The following AGBL1 variants were observed in gnomAD, a reference collection of about 807,000 sequenced individuals.
AGBL1 encodes cytosolic carboxypeptidase 4.
Under a neutral mutation model 118.9 loss-of-function variants are expected in AGBL1, and 130 were observed. That is an observed-to-expected ratio of 1.09 (90% CI 0.95 to 1.26). The LOEUF is 1.26. Among genes scored for constraint, AGBL1 ranks in the 50% most tolerant of loss-of-function variants. The pLI is 0.00. For missense variants in AGBL1, 1,584 were observed against 1,298.1 expected, an observed-to-expected ratio of 1.22 and a Z score of -3.38; for synonymous variants, 555 against 478.9, an observed-to-expected ratio of 1.16 and a Z score of -2.08.
At chr15:86,552,564 T>C (rs1328998231) in intron 20 of AGBL1, among the ~76,000 whole-genome samples, 1 of 152,196 alleles carries the variant, frequency 6.6e-6, no homozygotes, top group African/African-American at 2.4e-5. Context: ...TTTTAGCAAA[T>C]AATTATGTAG....
chr15:86,969,007 T>G (rs562859157), intron 23 of AGBL1, among the ~76,000 whole-genome samples: 1 of 152,060 alleles, frequency 6.6e-6, no homozygotes, highest in South Asian at 2.1e-4. Context: ...TAGGGTTAGA[T>G]TTCAACAAAT....
At chr15:86,199,064 G>A (rs1336523304) in intron 5 of AGBL1, among the ~76,000 whole-genome samples, 2 of 152,066 alleles carry the variant, frequency 1.3e-5, no homozygotes, top group East Asian at 1.9e-4. Flanking sequence ...ATATGTTTGT[G>A]TATGTATACA....
chr15:86,338,343 G>A (rs973546614), intron 17 of AGBL1, among the ~76,000 whole-genome samples: 3 of 152,166 alleles, frequency 2.0e-5, no homozygotes, highest in African/African-American at 7.2e-5. Context: ...AAGGTGGAGA[G>A]GCAGAGGTAA....
intron 22 of AGBL1, among the ~76,000 whole-genome samples, chr15:86,839,786 A>G (rs1293067460): frequency 2.0e-5 from 3 of 152,218 alleles, no homozygotes; most frequent in African/African-American, 4.8e-5. Context: ...AATTCCTTTC[A>G]GGGATCTAGG....
intron 22 of AGBL1, among the ~76,000 whole-genome samples, chr15:86,738,164 G>A (rs1475442449): frequency 2.6e-5 from 4 of 152,108 alleles, no homozygotes; most frequent in African/African-American, 9.7e-5. Flanking sequence ...TTATCAGTTT[G>A]ATAAAATTCA....
chr15:86,773,555 A>G (rs1398206053), intron 22 of AGBL1, among the ~76,000 whole-genome samples: 2 of 128,602 alleles, frequency 1.6e-5, no homozygotes, highest in Admixed American at 1.0e-4. Context: ...TACTGTGTCC[A>G]TGTGTTCTCA....
At chr15:86,841,820 C>T (rs2079250054) in intron 22 of AGBL1, among the ~76,000 whole-genome samples, 1 of 152,094 alleles carries the variant, frequency 6.6e-6, no homozygotes, top group African/African-American at 2.4e-5. Context: ...GCACTCCAGC[C>T]TGGGCAACAA....
At chr15:86,472,045 A>G (rs1286389317) in intron 18 of AGBL1, among the ~76,000 whole-genome samples, 3 of 152,210 alleles carry the variant, frequency 2.0e-5, no homozygotes, top group African/African-American at 7.2e-5. Flanking sequence ...TGATGCAGCC[A>G]TGAGCCAAGG....
intron 24 of AGBL1, among the ~76,000 whole-genome samples, chr15:87,017,968 CT>C (rs1202189068): frequency 1.4e-5 from 2 of 139,628 alleles, no homozygotes; most frequent in Non-Finnish European, 2.9e-5. Flanking sequence ...CCTAAAGGAG[CT>C]GAGAAACATA....
intron 24 of AGBL1, among the ~76,000 whole-genome samples, chr15:87,008,919 C>A (rs2081530781): frequency 6.6e-6 from 1 of 152,154 alleles, no homozygotes; most frequent in Non-Finnish European, 1.5e-5. Context: ...CAAGAGATTA[C>A]TTGGGTGCTG....
intron 21 of AGBL1, among the ~76,000 whole-genome samples, chr15:86,661,902 C>T (rs551630073): frequency 6.6e-6 from 1 of 152,266 alleles, no homozygotes; most frequent in Admixed American, 6.5e-5. Flanking sequence ...CTATTCTCTG[C>T]TCTAAGATCT....
In AGBL1 at chr15:86,142,087, A is replaced by G. The variant is rs975058349; in HGVS notation, c.115+20A>G. 1.3e-6 allele frequency: 2 copies of G among 1,548,922 alleles called. No homozygotes were observed. Among genetic ancestry groups the G allele is most frequent in the Non-Finnish European group, 8.7e-7 (1 of 1,146,056 alleles). On this transcript the variant is annotated intron_variant, in intron 2 of 22. Transcript: ENST00000614907. ...CTGTTGGTGAGTAGGCCATGCTCTC[A>G]TGCTTTCATATGGCGGATGTGGAGC...
chr15:86,624,136 T>C (rs928716350), intron 21 of AGBL1, among the ~76,000 whole-genome samples: 5 of 152,150 alleles, frequency 3.3e-5, no homozygotes, highest in East Asian at 3.9e-4. Context: ...CATCATCTAA[T>C]TGTCCTATAA....
intron 22 of AGBL1, among the ~76,000 whole-genome samples, chr15:86,677,490 T>C (rs911801506): frequency 6.6e-6 from 1 of 152,196 alleles, no homozygotes; most frequent in East Asian, 1.9e-4. Flanking sequence ...AGGAGCCGTT[T>C]ATCCATTGTG....
rs148179614 is a variant in AGBL1, at chr15:86,713,305, G to C, written c.3158+38869G>C. On this transcript the variant is annotated intron_variant, in intron 22 of 22. Transcript: ENST00000614907. ...AAAAAATGCTAGGGGTGGAGCAGAA[G>C]AGAGCATTGGAATTAGAAAAATGTG... Among the ~76,000 whole-genome samples, 3 of 152,310 alleles carry C rather than the reference G, an allele frequency of 2.0e-5. No individual in the cohort carries two copies. In the East Asian group the frequency reaches 5.8e-4, roughly 29 times the overall value.
chr15:86,765,769 A>C (rs2078089203), intron 22 of AGBL1, among the ~76,000 whole-genome samples: 1 of 151,890 alleles, frequency 6.6e-6, no homozygotes, highest in East Asian at 1.9e-4. Context: ...TATGAATCTG[A>C]AGAAGAAAGA....
chr15:86,756,064 C>T (rs2077934519), intron 22 of AGBL1, among the ~76,000 whole-genome samples: 1 of 152,056 alleles, frequency 6.6e-6, no homozygotes, highest in Admixed American at 6.6e-5. Context: ...TAGCAAATTC[C>T]CCAAGGGGCA....
At position 86,373,039 on chromosome 15, in the gene AGBL1, G is replaced by A. The variant is rs141087992; in HGVS notation, c.2375-24327G>A. Among the ~76,000 whole-genome samples the A allele has an allele frequency of 1.5e-3, 235 of 152,162 alleles. 1 individual carries two copies. Among genetic ancestry groups the A allele is most frequent in the African/African-American group, 5.3e-3 (218 of 41,518 alleles). On this transcript the variant is annotated intron_variant, in intron 17 of 22. Transcript: ENST00000614907. ...TCTTTTTGTTTATAGTTTCTGGCAC[G>A]TAATGAAATGGTCAAAGCAACAGGA...
At chr15:86,253,500 C>T (rs1170426799) in intron 7 of AGBL1, among the ~76,000 whole-genome samples, 1 of 152,092 alleles carries the variant, frequency 6.6e-6, no homozygotes, top group Non-Finnish European at 1.5e-5. Context: ...CCACCTGCCT[C>T]GGCCTCCCAA....
Sources: allele counts gnomAD v4.1 joint callset (sites outside exome capture counted in the v4.1 genomes callset), GRCh38; gene constraint gnomAD v4.1.1; transcripts MANE v1.5; gene names NCBI Gene and HGNC (gene_info 2026-07-23, HGNC 2026-07-21).